Variants in COL4A2 observed in about 807,000 individuals in gnomAD.
COL4A2 encodes the protein collagen alpha-2(IV) chain.
Under a neutral mutation model 200.2 loss-of-function variants are expected in COL4A2, and 99 were observed. That is an observed-to-expected ratio of 0.49 (90% confidence interval 0.42 to 0.58). The LOEUF (loss-of-function observed/expected upper bound fraction) is 0.58, where lower values mean the gene tolerates loss of function less well. Among genes scored for constraint, COL4A2 ranks in the 20% least tolerant of loss-of-function variants. The pLI, the probability that COL4A2 is intolerant of heterozygous loss-of-function variation, is 0.00. For missense variants in COL4A2, 1,950 were observed against 2,314.1 expected (o/e 0.84, Z 3.23); for synonymous variants, 897 against 900.6 (o/e 1.00, Z 0.07).
At chr13:110,422,707 A>G (rs1274636873) in intron 4 of COL4A2, among the ~76,000 whole-genome samples, 2 of 152,206 alleles carry the variant, frequency 1.3e-5, no homozygotes, top group African/African-American at 2.4e-5. Context: ...TCTTCCATCC[A>G]CAGCCTTAAT....
chr13:110,495,543 C>A, intron 40 of COL4A2, 76 bp downstream of exon 40: 1 of 1,542,270 alleles, frequency 6.5e-7, no homozygotes. Flanking sequence ...CATGGAGTGT[C>A]TATGGGGTGG....
In COL4A2 at chr13:110,512,148, G is replaced by A. The variant is rs746056606; in HGVS notation, c.5096G>A (p.Arg1699His). ...GACACGCTCAAGGCCGGCCTCATCC[G>A]CACACACATCAGCCGCTGCCAGGTG... ...SADTLKAGLI[R>H]THISRCQVCM... Residue 1699 changes from arginine (R) to histidine (H), a missense_variant, in exon 48 of 48, where the codon CGC becomes CAC. Physicochemically the swap from Arg to His is conservative, Grantham distance 29. Coordinates refer to ENST00000360467, the MANE Select transcript of COL4A2 (RefSeq NM_001846.4). 5 of 1,613,206 alleles carry A rather than the reference G, an allele frequency of 3.1e-6. No homozygotes were observed. Among genetic ancestry groups the A allele is most frequent in the East Asian group, 2.2e-5 (1 of 44,882 alleles).
In COL4A2 at chr13:110,352,771, G is replaced by C. The variant is rs73625333; in HGVS notation, c.100-4701G>C. 9.4e-4 allele frequency among the ~76,000 whole-genome samples: 143 copies of C among 152,312 alleles called. 1 individual carries two copies. The highest frequency in any genetic ancestry group is 3.4e-3 in the African/African-American group (140 of 41,564). ...AGAGTCAGGCATTCTCCAGGGAGTA[G>C]GGTGCCCCCACCAGCTTTCACAGGC... On this transcript the variant is annotated intron_variant, in intron 3 of 47. Transcript: ENST00000360467.
rs764883197 is a variant in COL4A2, at chr13:110,465,539, C to G, written c.1911C>G (p.Asp637Glu). 1.9e-6 allele frequency: 3 copies of G among 1,613,982 alleles called. No homozygotes were observed. The East Asian group carries it at 6.7e-5, about 36-fold the overall frequency. Residue 637 changes from aspartate to glutamate, a missense_variant, in exon 25 of 48, where the codon GAC becomes GAG. Asp to Glu is a conservative substitution (Grantham distance 45). This residue lies in a region of COL4A2 where 1,385 missense variants were observed against 1,720.5 expected (regional missense o/e 0.80). Transcript: ENST00000360467. ...AAGGCCAACGTGGTTTCCCTGGAGA[C>G]GCCGGCTTACCTGGACCACCAGGCT... Reference protein sequence around the residue: ...GLKGQRGFPGDAGLPGPPGFL... With the variant: ...GLKGQRGFPGEAGLPGPPGFL...
chr13:110,455,417 C>G (rs1347861445), intron 20 of COL4A2, among the ~76,000 whole-genome samples: 1 of 152,198 alleles, frequency 6.6e-6, no homozygotes, highest in Non-Finnish European at 1.5e-5. Context: ...ATCACTTCCT[C>G]AGAAAGGACT....
In COL4A2 at chr13:110,490,893, G is replaced by C. The variant is rs11839503; in HGVS notation, c.3347-340G>C. ...CTGGGCCCAGAAAGGCTTTGGAGTGGAGCCTCCCCTGCATCCATCACCAGA... is the reference window on the plus strand; with the variant it reads ...CTGGGCCCAGAAAGGCTTTGGAGTGCAGCCTCCCCTGCATCCATCACCAGA... On this transcript the variant is annotated intron_variant, in intron 36 of 47. Coordinates refer to ENST00000360467, the MANE Select transcript of COL4A2 (RefSeq NM_001846.4). 0.1 allele frequency among the ~76,000 whole-genome samples: 15,410 copies of C among 152,162 alleles called. 993 individuals are homozygous for C. Among genetic ancestry groups the C allele is most frequent in the African/African-American group, 0.17 (7,210 of 41,512 alleles).
Position 110,432,337 on chromosome 13 carries a change from C to T in COL4A2, c.661C>T (p.Pro221Ser). Residue 221 changes from proline to serine, a missense_variant, in exon 11 of 48, where the codon CCC (proline) becomes TCC (serine). Pro to Ser is a moderately conservative substitution (Grantham distance 74). Coordinates refer to ENST00000360467, the MANE Select transcript of COL4A2 (RefSeq NM_001846.4). ...TGTATTTGTACAGGGACCACCTGGA[C>T]CCCCTGGACCAAAAGGACAGCAAGT... Reference protein sequence around the residue: ...GAPGRPGPPGPPGPKGQQGNR... With the variant: ...GAPGRPGPPGSPGPKGQQGNR... 1.9e-6 allele frequency: 3 copies of T among 1,610,026 alleles called. No individual in the cohort carries two copies. The highest frequency in any genetic ancestry group is 1.7e-5 in the Admixed American group (1 of 59,246).
Position 110,430,010 on chromosome 13 carries a change from A to G in COL4A2, c.549+54A>G, listed in dbSNP as rs1322070586. On this transcript the variant is annotated intron_variant, in intron 8 of 47. Transcript: ENST00000360467. ...TGAAGGGACCCAGTGTAAATTCTCA[A>G]CTAACAAAGTTAATTGCCAAGTGAA... 9 of 1,498,804 alleles carry G rather than the reference A, an allele frequency of 6.0e-6. No individual in the cohort carries two copies. In the Admixed American group the frequency reaches 7.2e-5, roughly 12 times the overall value. The allele number at this position is 1,498,804 out of a possible 1,614,324, so 92.8% of individuals were successfully genotyped here.
At chr13:110,488,611 T>G (rs1883184750) in intron 34 of COL4A2, among the ~76,000 whole-genome samples, 1 of 152,244 alleles carries the variant, frequency 6.6e-6, no homozygotes, top group South Asian at 2.1e-4. Flanking sequence ...GAGCAAGCTC[T>G]GCAGTCTGGC....
chr13:110,501,922 G>GGCTC, intron 41 of COL4A2, 138 bp downstream of exon 41: 1 of 817,202 alleles, frequency 1.2e-6, no homozygotes, highest in South Asian at 1.6e-5. Flanking sequence ...GAGCCATGAT[G>GGCTC]GCTCCTCCTG....
intron 26 of COL4A2, 23 bp from the exon 27 acceptor site, chr13:110,467,017 T>C (rs1485644217): frequency 1.9e-6 from 3 of 1,613,872 alleles, no homozygotes; most frequent in Non-Finnish European, 2.5e-6. Context: ...CTTGGGCTCA[T>C]CTTTTCTCCT....
At position 110,454,191 on chromosome 13, in the gene COL4A2, G is replaced by A. The variant is rs572775521; in HGVS notation, c.1340-3152G>A. On this transcript the variant is annotated intron_variant, in intron 20 of 47. Coordinates refer to ENST00000360467, the MANE Select transcript of COL4A2 (RefSeq NM_001846.4). ...AAAATAGGCCTGGCTTGTTTGGCCA[G>A]GGGCTCTTTGTGGAAATCATGTTGC... is the stretch of plus-strand genomic sequence containing the variant. 6.7e-4 allele frequency among the ~76,000 whole-genome samples: 102 copies of A among 152,264 alleles called. 2 individuals are homozygous for A. In the South Asian group the frequency reaches 0.02, roughly 30 times the overall value.
At chr13:110,440,214 AT>A (rs1881068150) in intron 16 of COL4A2, among the ~76,000 whole-genome samples, 1 of 152,168 alleles carries the variant, frequency 6.6e-6, no homozygotes, top group South Asian at 2.1e-4. Context: ...GTGACACTTC[AT>A]TTATGTTTAA....
intron 3 of COL4A2, among the ~76,000 whole-genome samples, chr13:110,308,779 G>C (rs755008282): frequency 1.3e-5 from 2 of 152,238 alleles, no homozygotes; most frequent in African/African-American, 2.4e-5. Context: ...CGTGGGTGCA[G>C]CTGGCGACTG....
In COL4A2 at chr13:110,424,745, G is replaced by A. The variant is rs774623979; in HGVS notation, c.192G>A (p.Gly64=). The stretch of plus-strand genomic sequence containing the variant: ...TGTTGTTCCCACAGGGTCAGCCTGG[G>A]CCAGTGGGCCCCCAGGGGTACAATG... ...YPEKGGRGQP[G]PVGPQGYNGP... Residue 64 remains glycine (G), a synonymous_variant, in exon 5 of 48, where the codon GGG becomes GGA. Transcript: ENST00000360467. The A allele has an allele frequency of 6.2e-7, 1 of 1,608,266 alleles. No homozygotes were observed.
chr13:110,446,957 C>A, intron 18 of COL4A2, 93 bp downstream of exon 18: 3 of 960,098 alleles, frequency 3.1e-6, no homozygotes, highest in Non-Finnish European at 4.6e-6. Context: ...GACAGATATT[C>A]TAAGCAACCC....
chr13:110,482,782 C>A, intron 32 of COL4A2, 123 bp downstream of exon 32: 1 of 995,012 alleles, frequency 1.0e-6, no homozygotes, highest in Non-Finnish European at 1.5e-6. Context: ...AACCCTAAAG[C>A]TAGACAAAAC....
At chr13:110,453,888 T>C (rs1881628123) in intron 20 of COL4A2, among the ~76,000 whole-genome samples, 1 of 152,218 alleles carries the variant, frequency 6.6e-6, no homozygotes, top group East Asian at 1.9e-4. Flanking sequence ...AGAAAATGTG[T>C]GTGTGGTTGT....
At chr13:110,339,536 A>G (rs113728508) in intron 3 of COL4A2, among the ~76,000 whole-genome samples, 83 of 152,328 alleles carry the variant, frequency 5.4e-4, no homozygotes, top group African/African-American at 1.9e-3. Context: ...TGTCAGCCTC[A>G]GCCTCCAGCA....
Sources: gnomAD v4.1 joint callset for allele counts (sites outside exome capture counted in the v4.1 genomes callset) on GRCh38, gnomAD v4.1.1 for gene constraint, gnomAD v4.1.1 regional missense constraint, MANE v1.5 for transcripts, NCBI Gene and HGNC (gene_info 2026-07-23, HGNC 2026-07-21) for gene names.